The following AP3B1 variants were observed in gnomAD, a reference collection of about 807,000 sequenced individuals.
The protein encoded by AP3B1 is adaptor related protein complex 3 subunit beta 1.
In AP3B1, 61 loss-of-function variants were observed where a neutral mutation model predicts 132.5. That is an observed-to-expected ratio of 0.46 (90% CI 0.37 to 0.57). AP3B1 has a LOEUF of 0.57. AP3B1 is among the 20% of genes least tolerant of loss of function. AP3B1 has a pLI of 0.00. For synonymous variants in AP3B1, 388 were observed against 438.3 expected, an observed-to-expected ratio of 0.89 and a Z score of 1.43; for missense variants, 1,120 against 1,289.4, an observed-to-expected ratio of 0.87 and a Z score of 2.01.
chr5:78,119,525 G>A (rs1382475078), intron 17 of AP3B1, among the ~76,000 whole-genome samples: 6 of 152,176 alleles, frequency 3.9e-5, no homozygotes, highest in South Asian at 2.1e-4. Flanking sequence ...GCCAAGGCTC[G>A]AGAACTATGT....
intron 20 of AP3B1, among the ~76,000 whole-genome samples, chr5:78,105,904 A>G (rs559517024): frequency 2.0e-5 from 3 of 152,332 alleles, no homozygotes; most frequent in African/African-American, 4.8e-5. Context: ...GGGCATTTTA[A>G]GAACATAAAT....
intron 26 of AP3B1, among the ~76,000 whole-genome samples, chr5:78,011,310 T>G (rs1438858418): frequency 5.3e-5 from 8 of 152,090 alleles, no homozygotes. Context: ...CCTCCCAAAG[T>G]GCTGGGATTA....
At chr5:78,036,507 T>G (rs1189906777) in intron 23 of AP3B1, among the ~76,000 whole-genome samples, 4 of 152,122 alleles carry the variant, frequency 2.6e-5, no homozygotes, top group Non-Finnish European at 4.4e-5. Flanking sequence ...TGGTAAAATC[T>G]TAGCTGAACT....
chr5:78,064,412 T>C (rs891414307), intron 22 of AP3B1, among the ~76,000 whole-genome samples: 2 of 152,196 alleles, frequency 1.3e-5, no homozygotes, highest in Non-Finnish European at 2.9e-5. Context: ...ATTTGTACTT[T>C]CCTTGTTAAT....
Position 78,206,054 on chromosome 5 carries a change from AT to A in AP3B1, c.786+10000del, listed in dbSNP as rs555090871. On this transcript the variant is annotated intron_variant, in intron 7 of 26. Coordinates refer to ENST00000255194, the MANE Select transcript of AP3B1 (RefSeq NM_003664.5). ...GTTTCACAAAGGTCAGTATGAGCTGATTTTTTTTAATGTGAACATTTCCACA... is the reference window on the plus strand; with the variant it reads ...GTTTCACAAAGGTCAGTATGAGCTGATTTTTTTAATGTGAACATTTCCACA... 5.0e-3 allele frequency among the ~76,000 whole-genome samples: 753 copies of A among 152,068 alleles called. 4 individuals are homozygous for A. The highest frequency in any genetic ancestry group is 0.014 in the Middle Eastern group (4 of 294).
chr5:78,253,912 C>A (rs1747744836), intron 2 of AP3B1, among the ~76,000 whole-genome samples: 1 of 147,038 alleles, frequency 6.8e-6, no homozygotes, highest in Non-Finnish European at 1.5e-5. Context: ...GCTTGCAGAT[C>A]ATGCCACTGC....
chr5:78,183,785 T>C (rs1744474777), intron 7 of AP3B1, among the ~76,000 whole-genome samples: 1 of 150,744 alleles, frequency 6.6e-6, no homozygotes, highest in African/African-American at 2.4e-5. Flanking sequence ...GAGAATTGCT[T>C]GAGCTCATGA....
At chr5:78,120,208 G>C (rs1184060596) in intron 17 of AP3B1, among the ~76,000 whole-genome samples, 2 of 152,120 alleles carry the variant, frequency 1.3e-5, no homozygotes, top group East Asian at 1.9e-4. Context: ...ATATGGAAAA[G>C]AACAACCAGT....
chr5:78,006,136 C>A (rs1284926533), intron 26 of AP3B1, among the ~76,000 whole-genome samples: 1 of 152,180 alleles, frequency 6.6e-6, no homozygotes, highest in African/African-American at 2.4e-5. Context: ...AAGTGCTTCA[C>A]TGGAATTATT....
chr5:78,293,575 A>G (rs1749625046), intron 1 of AP3B1, among the ~76,000 whole-genome samples: 1 of 152,230 alleles, frequency 6.6e-6, no homozygotes, highest in South Asian at 2.1e-4. Flanking sequence ...CAAAGCTACT[A>G]GCACAGCTAT....
At chr5:78,082,454 T>C (rs986749460) in intron 22 of AP3B1, among the ~76,000 whole-genome samples, 3 of 152,200 alleles carry the variant, frequency 2.0e-5, no homozygotes, top group Non-Finnish European at 4.4e-5. Context: ...AGCTACAGAA[T>C]AGAATTCAAA....
chr5:78,015,187 T>C (rs1263918474), intron 26 of AP3B1, among the ~76,000 whole-genome samples: 1 of 152,154 alleles, frequency 6.6e-6, no homozygotes, highest in Non-Finnish European at 1.5e-5. Flanking sequence ...TCTGTATATC[T>C]TTCAGGAAAG....
intron 21 of AP3B1, among the ~76,000 whole-genome samples, chr5:78,091,277 C>CAA (rs748473899): frequency 0.057 from 4,488 of 79,374 alleles, 203 homozygotes; most frequent in African/African-American, 0.15. Context: ...ATGTATTTGA[C>CAA]AAAAAAAAAA....
Position 78,175,822 on chromosome 5 carries a change from C to G in AP3B1, c.1057G>C (p.Val353Leu). The G allele has an allele frequency of 6.2e-7, 1 of 1,610,972 alleles. No individual in the cohort carries two copies. The highest frequency in any genetic ancestry group is 8.5e-7 in the Non-Finnish European group (1 of 1,178,598). ...LRSNREVQYIVLQNIATMSIQ... is the reference protein window; with the variant it reads ...LRSNREVQYILLQNIATMSIQ... ...GACATAGTTGCTATATTTTGTAGGA[C>G]AATATACTGCACCTCCCTAGAAATC... The change falls in exon 10 of 27, where the codon GTC (valine) becomes CTC (leucine). Residue 353 changes from valine to leucine, a missense_variant. By Grantham distance (32) the Val-to-Leu change is conservative. Transcript: ENST00000255194.
At chr5:78,193,969 G>A (rs537521724) in intron 7 of AP3B1, among the ~76,000 whole-genome samples, 23 of 151,324 alleles carry the variant, frequency 1.5e-4, no homozygotes, top group Non-Finnish European at 3.0e-4. Flanking sequence ...GGGTTTCACC[G>A]TGTTAGCCAG....
intron 13 of AP3B1, among the ~76,000 whole-genome samples, chr5:78,157,758 C>CT (rs147181177): frequency 0.18 from 27,904 of 151,048 alleles, 2,815 homozygotes; most frequent in Admixed American, 0.27. Context: ...TCCTATTACT[C>CT]TTTTTTTTTG....
chr5:78,064,547 CCATGT>C (rs1749198859), intron 22 of AP3B1, among the ~76,000 whole-genome samples: 1 of 151,996 alleles, frequency 6.6e-6, no homozygotes, highest in Non-Finnish European at 1.5e-5. Context: ...TGAATATGTC[CCATGT>C]CATGTCTGAT....
At chr5:78,288,312 A>C (rs1396833798) in intron 1 of AP3B1, among the ~76,000 whole-genome samples, 1 of 152,244 alleles carries the variant, frequency 6.6e-6, no homozygotes, top group Non-Finnish European at 1.5e-5. Context: ...AGTTTCTTAA[A>C]AACAAGATAA....
intron 24 of AP3B1, among the ~76,000 whole-genome samples, chr5:78,023,722 G>T (rs1486620283): frequency 6.6e-6 from 1 of 152,204 alleles, no homozygotes; most frequent in African/African-American, 2.4e-5. Context: ...GCCAAATACT[G>T]CAGGGAGGCA....
Sources: gnomAD v4.1 joint callset for allele counts (sites outside exome capture counted in the v4.1 genomes callset) on GRCh38, gnomAD v4.1.1 for gene constraint, MANE v1.5 for transcripts, NCBI Gene and HGNC (gene_info 2026-07-23, HGNC 2026-07-21) for gene names.